Variants in FILIP1L observed in about 807,000 individuals in gnomAD.
FILIP1L encodes filamin A interacting protein 1 like.
FILIP1L carries 55 observed loss-of-function variants against 96.6 expected under a neutral mutation model. The ratio of observed to expected loss-of-function variants is 0.57; its 90% confidence interval spans 0.46 to 0.71. The LOEUF is 0.71. FILIP1L is among the 30% of genes least tolerant of loss of function. FILIP1L has a pLI of 0.00. For missense variants in FILIP1L, 1,304 were observed against 1,321.2 expected (o/e 0.99, Z 0.20); for synonymous variants, 467 against 473.9 (o/e 0.99, Z 0.19).
chr3:100,104,653 T>G (rs909322953), intron 1 of FILIP1L, among the ~76,000 whole-genome samples: 5 of 152,150 alleles, frequency 3.3e-5, no homozygotes, highest in African/African-American at 1.2e-4. Flanking sequence ...TTGAGGGCCT[T>G]TTCCTGTTTT....
At chr3:99,894,102 G>A (rs141059777) in intron 4 of FILIP1L, among the ~76,000 whole-genome samples, 5 of 152,248 alleles carry the variant, frequency 3.3e-5, no homozygotes, top group Non-Finnish European at 5.9e-5. Context: ...AAGTTTTTTT[G>A]TGATATTGCA....
rs143667233 is a variant in FILIP1L at position 99,871,815 on chromosome 3, T to A, written c.606-20745A>T. On this transcript the variant is annotated intron_variant, in intron 4 of 5. Coordinates refer to ENST00000477258, the MANE Select transcript of FILIP1L (RefSeq NM_001387850.1). Reference sequence around the variant, plus strand: ...CACCTCTCACCTTCCAAGTAGAGAGTGGGATTTGCCAGCCGGAGGACCTTT... The same window carrying A: ...CACCTCTCACCTTCCAAGTAGAGAGAGGGATTTGCCAGCCGGAGGACCTTT... Among the ~76,000 whole-genome samples the A allele has an allele frequency of 9.9e-5, 15 of 152,238 alleles. No homozygotes were observed. The East Asian group carries it at 2.7e-3, about 27-fold the overall frequency.
intron 1 of FILIP1L, among the ~76,000 whole-genome samples, chr3:100,059,755 T>C (rs908308208): frequency 1.3e-5 from 2 of 152,170 alleles, no homozygotes; most frequent in Non-Finnish European, 2.9e-5. Flanking sequence ...CCTAGAATTG[T>C]CAGAGCTTCC....
intron 1 of FILIP1L, among the ~76,000 whole-genome samples, chr3:100,012,964 T>C (rs1393711990): frequency 6.6e-6 from 1 of 151,820 alleles, no homozygotes; most frequent in Non-Finnish European, 1.5e-5. Flanking sequence ...TATGTATGTA[T>C]TTATTTATTT....
At chr3:99,901,087 A>C (rs182456532) in intron 4 of FILIP1L, among the ~76,000 whole-genome samples, 4 of 152,254 alleles carry the variant, frequency 2.6e-5, no homozygotes, top group Non-Finnish European at 5.9e-5. Flanking sequence ...CCAAAGGATT[A>C]AACTGTATAC....
chr3:99,863,164 C>T (rs532763839), intron 4 of FILIP1L, among the ~76,000 whole-genome samples: 139 of 152,254 alleles, frequency 9.1e-4, no homozygotes, highest in African/African-American at 3.0e-3. Context: ...CTGTCCCACT[C>T]GGATCATCAG....
chr3:100,021,932 T>C (rs2064825604), intron 1 of FILIP1L, among the ~76,000 whole-genome samples: 1 of 121,842 alleles, frequency 8.2e-6, no homozygotes, highest in South Asian at 3.1e-4. Flanking sequence ...TGTGTGTGTG[T>C]GTGTGTGTGT....
At chr3:100,100,208 TCTC>T (rs2066280758) in intron 1 of FILIP1L, among the ~76,000 whole-genome samples, 1 of 152,078 alleles carries the variant, frequency 6.6e-6, no homozygotes, top group African/African-American at 2.4e-5. Flanking sequence ...CAAGTAGCCT[TCTC>T]CTGAGATATT....
At chr3:100,020,642 T>A (rs143439414) in intron 1 of FILIP1L, among the ~76,000 whole-genome samples, 7 of 152,100 alleles carry the variant, frequency 4.6e-5, no homozygotes, top group African/African-American at 1.7e-4. Flanking sequence ...TTTAAAATAG[T>A]CTTAAAGTTC....
intron 1 of FILIP1L, among the ~76,000 whole-genome samples, chr3:100,099,399 G>C (rs2066265775): frequency 6.6e-6 from 1 of 152,060 alleles, no homozygotes; most frequent in Admixed American, 6.5e-5. Flanking sequence ...CAAATTTTCT[G>C]ATAAGATTTT....
At chr3:100,060,383 C>T (rs1396336574) in intron 1 of FILIP1L, among the ~76,000 whole-genome samples, 1 of 152,094 alleles carries the variant, frequency 6.6e-6, no homozygotes, top group Non-Finnish European at 1.5e-5. Context: ...TTCCTGATGC[C>T]CTTCTAAGAG....
intron 1 of FILIP1L, among the ~76,000 whole-genome samples, chr3:99,942,564 G>A (rs771414392): frequency 2.0e-5 from 3 of 152,204 alleles, no homozygotes; most frequent in Non-Finnish European, 4.4e-5. Context: ...AGTCGCCGTG[G>A]CTCACGCCTG....
intron 1 of FILIP1L, among the ~76,000 whole-genome samples, chr3:99,956,295 T>C (rs191414565): frequency 6.0e-4 from 92 of 152,306 alleles, no homozygotes; most frequent in African/African-American, 2.1e-3. Flanking sequence ...ACACATGTTC[T>C]CCTTTTCCTG....
chr3:99,871,126 T>G (rs1944765676), intron 4 of FILIP1L, among the ~76,000 whole-genome samples: 1 of 152,338 alleles, frequency 6.6e-6, no homozygotes, highest in East Asian at 1.9e-4. Flanking sequence ...TTTCACTGCC[T>G]TGACTTAAGC....
chr3:99,880,335 A>G (rs1705681418), intron 4 of FILIP1L, among the ~76,000 whole-genome samples: 1 of 152,170 alleles, frequency 6.6e-6, no homozygotes, highest in Admixed American at 6.5e-5. Flanking sequence ...CTGTACTTAA[A>G]AGAGCCTTTA....
At chr3:100,056,726 G>A (rs866265991) in intron 1 of FILIP1L, among the ~76,000 whole-genome samples, 12 of 151,714 alleles carry the variant, frequency 7.9e-5, no homozygotes, top group African/African-American at 2.4e-4. Flanking sequence ...GGGGCCGGGC[G>A]CGGTGGCTCA....
At chr3:100,037,571 A>G (rs2065129519) in intron 1 of FILIP1L, among the ~76,000 whole-genome samples, 1 of 152,344 alleles carries the variant, frequency 6.6e-6, no homozygotes, top group South Asian at 2.1e-4. Flanking sequence ...GTCTCCCAAC[A>G]AAGTTGCTAC....
chr3:100,013,007 G>A (rs991358570), intron 1 of FILIP1L, among the ~76,000 whole-genome samples: 3 of 151,708 alleles, frequency 2.0e-5, no homozygotes, highest in South Asian at 2.1e-4. Flanking sequence ...CATGTTGTCC[G>A]GGCTGATCTT....
intron 1 of FILIP1L, among the ~76,000 whole-genome samples, chr3:99,942,354 AG>A (rs1437664184): frequency 6.6e-6 from 1 of 152,256 alleles, no homozygotes; most frequent in African/African-American, 2.4e-5. Flanking sequence ...TAAATACTCC[AG>A]AAAAAAATAA....
Sources: allele counts gnomAD v4.1 joint callset (sites outside exome capture counted in the v4.1 genomes callset), GRCh38; gene constraint gnomAD v4.1.1; transcripts MANE v1.5; gene names NCBI Gene and HGNC (gene_info 2026-07-23, HGNC 2026-07-21).